The following CDH13 variants were observed in gnomAD, a reference collection of about 807,000 sequenced individuals.
The protein encoded by CDH13 is cadherin 13.
In CDH13, 24 loss-of-function variants were observed where a neutral mutation model predicts 63.8. That is an observed-to-expected ratio of 0.38 (90% confidence interval 0.27 to 0.53). The LOEUF is 0.53. Among genes scored for constraint, CDH13 ranks in the 20% least tolerant of loss-of-function variants. The pLI, the probability that CDH13 is intolerant of heterozygous loss-of-function variation, is 0.85. For missense variants in CDH13, 1,049 were observed against 903.1 expected, an observed-to-expected ratio of 1.16 and a Z score of -2.07; for synonymous variants, 503 against 355.3, an observed-to-expected ratio of 1.42 and a Z score of -4.67.
At chr16:82,712,642 A>G (rs1389571780) in intron 1 of CDH13, among the ~76,000 whole-genome samples, 1 of 152,200 alleles carries the variant, frequency 6.6e-6, no homozygotes, top group Admixed American at 6.5e-5. Flanking sequence ...ACTTCAGTCT[A>G]CATAAATGTT....
At chr16:82,651,286 T>C (rs960729021) in intron 1 of CDH13, among the ~76,000 whole-genome samples, 3 of 152,208 alleles carry the variant, frequency 2.0e-5, no homozygotes, top group African/African-American at 7.2e-5. Flanking sequence ...TAATTAAAGC[T>C]TCTGAATATG....
intron 2 of CDH13, among the ~76,000 whole-genome samples, chr16:82,948,947 G>A (rs1905019388): frequency 6.6e-6 from 1 of 152,138 alleles, no homozygotes; most frequent in Admixed American, 6.6e-5. Flanking sequence ...GTAAGTAATA[G>A]CACTTTCAAA....
At position 83,702,124 on chromosome 16, in the gene CDH13, GA is replaced by G. The variant is rs369282472; in HGVS notation, c.1538+23665del. Reference sequence around the variant, plus strand: ...TCATCCCAAATATACCTTGTGCTAAGAACCTTTCCTCATCATTTCCTTGGGG... The same window carrying G: ...TCATCCCAAATATACCTTGTGCTAAGACCTTTCCTCATCATTTCCTTGGGG... On this transcript the variant is annotated intron_variant, in intron 10 of 13. Coordinates refer to ENST00000567109, the MANE Select transcript of CDH13 (RefSeq NM_001257.5). 2.7e-4 allele frequency among the ~76,000 whole-genome samples: 41 copies of G among 152,276 alleles called. No individual in the cohort carries two copies. The South Asian group carries it at 7.7e-3, about 28-fold the overall frequency.
At position 82,872,144 on chromosome 16, in the gene CDH13, C is replaced by A. The variant is rs536895792; in HGVS notation, c.157+13671C>A. Among the ~76,000 whole-genome samples, 22 of 152,306 alleles carry A rather than the reference C, an allele frequency of 1.4e-4. No homozygotes were observed. In the South Asian group the frequency reaches 4.3e-3, roughly 30 times the overall value. ...TTGCTAAGGTCCCATTAAGTACTAACGTCTTATGACCGCAGACTGTGCCCC... is the reference window on the plus strand; with the variant it reads ...TTGCTAAGGTCCCATTAAGTACTAAAGTCTTATGACCGCAGACTGTGCCCC... On this transcript the variant is annotated intron_variant, in intron 2 of 13. Transcript: ENST00000567109.
chr16:83,009,867 C>G (rs529460735), intron 2 of CDH13, among the ~76,000 whole-genome samples: 21 of 152,214 alleles, frequency 1.4e-4, no homozygotes, highest in Non-Finnish European at 1.5e-5. Flanking sequence ...GGTGCAGTGG[C>G]TCACGCCTGT....
At chr16:82,856,006 T>C (rs1234406858) in intron 1 of CDH13, among the ~76,000 whole-genome samples, 2 of 152,204 alleles carry the variant, frequency 1.3e-5, no homozygotes, top group African/African-American at 2.4e-5. Context: ...TATTGAAGTT[T>C]TGTTTTCTAA....
intron 7 of CDH13, among the ~76,000 whole-genome samples, chr16:83,533,087 G>C (rs1006283417): frequency 1.3e-5 from 2 of 152,166 alleles, no homozygotes; most frequent in African/African-American, 4.8e-5. Context: ...TCCTATTACA[G>C]TCTACCTCAA....
intron 1 of CDH13, among the ~76,000 whole-genome samples, chr16:82,730,143 T>A (rs2033321162): frequency 6.6e-6 from 1 of 152,212 alleles, no homozygotes; most frequent in Non-Finnish European, 1.5e-5. Context: ...TCATTTGAGT[T>A]TTCACTGGAA....
At chr16:82,761,482 C>A (rs1353091027) in intron 1 of CDH13, among the ~76,000 whole-genome samples, 1 of 152,180 alleles carries the variant, frequency 6.6e-6, no homozygotes, top group East Asian at 1.9e-4. Flanking sequence ...CTAAACTTAG[C>A]TTTCATGTTC....
chr16:83,204,556 T>A (rs2039126967), intron 4 of CDH13, among the ~76,000 whole-genome samples: 1 of 151,996 alleles, frequency 6.6e-6, no homozygotes, highest in Non-Finnish European at 1.5e-5. Context: ...AAGACAGGAG[T>A]GAGGCTCAGA....
chr16:82,795,281 G>C (rs1210590168), intron 1 of CDH13, among the ~76,000 whole-genome samples: 1 of 152,136 alleles, frequency 6.6e-6, no homozygotes, highest in African/African-American at 2.4e-5. Flanking sequence ...GAAATCAAGG[G>C]TGCTGAGTAA....
intron 3 of CDH13, among the ~76,000 whole-genome samples, chr16:83,097,544 A>G (rs183799248): frequency 2.7e-4 from 41 of 152,316 alleles, no homozygotes; most frequent in Non-Finnish European, 5.6e-4. Context: ...GGTGCAGCCA[A>G]TACCCCAGTA....
chr16:83,179,293 C>G (rs978518614), intron 4 of CDH13, among the ~76,000 whole-genome samples: 5 of 151,986 alleles, frequency 3.3e-5, no homozygotes, highest in African/African-American at 9.7e-5. Context: ...AAGCTATTAT[C>G]TCCTTAAATC....
intron 3 of CDH13, among the ~76,000 whole-genome samples, chr16:83,058,007 G>T (rs2031125558): frequency 6.6e-6 from 1 of 151,926 alleles, no homozygotes; most frequent in Non-Finnish European, 1.5e-5. Context: ...ATCATGTCTT[G>T]GATTATCATG....
intron 1 of CDH13, among the ~76,000 whole-genome samples, chr16:82,646,839 G>A (rs1238242962): frequency 2.6e-5 from 4 of 152,160 alleles, no homozygotes; most frequent in Admixed American, 6.5e-5. Context: ...TTATAAGCTC[G>A]AGGGAAGCCT....
intron 3 of CDH13, among the ~76,000 whole-genome samples, chr16:83,123,555 A>G (rs1270932859): frequency 1.3e-5 from 2 of 152,182 alleles, no homozygotes; most frequent in Non-Finnish European, 2.9e-5. Context: ...CTGGGATTAC[A>G]GGCGTGAGCC....
At chr16:83,771,803 C>G (rs528417294) in intron 11 of CDH13, among the ~76,000 whole-genome samples, 1 of 152,192 alleles carries the variant, frequency 6.6e-6, no homozygotes, top group African/African-American at 2.4e-5. Context: ...TTCCAGATAT[C>G]TGTGCCTACA....
chr16:83,646,712 A>AAAACACAC (rs1168012793), intron 8 of CDH13, among the ~76,000 whole-genome samples: 22 of 80,520 alleles, frequency 2.7e-4, no homozygotes, highest in African/African-American at 7.7e-4. Flanking sequence ...AAAAAAAAAA[A>AAAACACAC]ACACACACAC....
At chr16:83,073,039 A>C (rs565030286) in intron 3 of CDH13, among the ~76,000 whole-genome samples, 3 of 152,322 alleles carry the variant, frequency 2.0e-5, no homozygotes, top group Admixed American at 6.5e-5. Context: ...AAGGTGTCCT[A>C]AGTGCTTGTG....
Sources: gnomAD v4.1 joint callset for allele counts (sites outside exome capture counted in the v4.1 genomes callset) on GRCh38, gnomAD v4.1.1 for gene constraint, MANE v1.5 for transcripts, NCBI Gene and HGNC (gene_info 2026-07-23, HGNC 2026-07-21) for gene names.